The following NRXN1 variants were observed in gnomAD, a reference collection of about 807,000 sequenced individuals.
NRXN1 encodes neurexin 1.
NRXN1 carries 39 observed loss-of-function variants against 150.9 expected under a neutral mutation model. The ratio of observed to expected loss-of-function variants is 0.26; its 90% confidence interval spans 0.20 to 0.34. The LOEUF (loss-of-function observed/expected upper bound fraction) is 0.34. Ranked by LOEUF, NRXN1 falls within the 10% of genes least tolerant of loss-of-function variation. NRXN1 has a pLI of 1.00. For missense variants in NRXN1, 1,815 were observed against 1,949.9 expected (o/e 0.93, Z 1.30); for synonymous variants, 924 against 757.0 (o/e 1.22, Z -3.62).
At chr2:50,098,855 T>TGG (rs1558874822) in intron 18 of NRXN1, among the ~76,000 whole-genome samples, 24 of 30,880 alleles carry the variant, frequency 7.8e-4, no homozygotes, top group African/African-American at 2.8e-3. Flanking sequence ...TTTTTTTTTT[T>TGG]TTTTTTTTTT....
In NRXN1 at chr2:49,919,750, C is replaced by CTACT. The variant is rs1451258505; in HGVS notation, c.*2190_*2193dup. On this transcript the variant is annotated 3_prime_UTR_variant, in exon 23 of 23. Coordinates refer to ENST00000401669, the MANE Select transcript of NRXN1 (RefSeq NM_001330078.2). ...ATATTAAATTTTCATTTTATACCTTCTACTTTCTGGGTCATAAAAAGCCAC... is the reference window on the plus strand; with the variant it reads ...ATATTAAATTTTCATTTTATACCTTCTACTTACTTTCTGGGTCATAAAAAGCCAC... The CTACT allele has an allele frequency of 1.3e-5, 2 of 152,110 alleles. No homozygotes were observed. The highest frequency in any genetic ancestry group is 4.8e-5 in the African/African-American group (2 of 41,458). 9.4% of individuals were successfully genotyped at this position (152,110 alleles called of 1,614,324 possible). A position where few individuals can be genotyped will look rare whatever the true frequency, so the allele number is the denominator to read the frequency against.
intron 2 of NRXN1, among the ~76,000 whole-genome samples, chr2:50,939,997 T>C (rs1157130705): frequency 6.6e-6 from 1 of 152,200 alleles, no homozygotes; most frequent in Admixed American, 6.5e-5. Context: ...AATTTTTAAA[T>C]GACTTTCTTA....
At chr2:50,859,718 T>G (rs1675828341) in intron 5 of NRXN1, among the ~76,000 whole-genome samples, 1 of 151,840 alleles carries the variant, frequency 6.6e-6, no homozygotes, top group Middle Eastern at 3.2e-3. Context: ...CCCACAGTTC[T>G]CCATCTCAAG....
At chr2:50,578,129 G>A (rs1326468497) in intron 8 of NRXN1, among the ~76,000 whole-genome samples, 2 of 152,082 alleles carry the variant, frequency 1.3e-5, no homozygotes, top group Admixed American at 6.6e-5. Context: ...AGGACACAAC[G>A]GCCCTGAAAA....
At chr2:50,392,690 G>A (rs545070550) in intron 17 of NRXN1, among the ~76,000 whole-genome samples, 12 of 152,236 alleles carry the variant, frequency 7.9e-5, no homozygotes, top group Middle Eastern at 3.4e-3. Flanking sequence ...GTCATAGTTG[G>A]TGCTTGATAA....
intron 8 of NRXN1, among the ~76,000 whole-genome samples, chr2:50,605,637 A>T (rs943585410): frequency 6.6e-5 from 10 of 152,192 alleles, no homozygotes; most frequent in Non-Finnish European, 1.3e-4. Context: ...AAAAGAAAAA[A>T]ACAACAACTG....
intron 5 of NRXN1, among the ~76,000 whole-genome samples, chr2:50,645,170 A>G (rs552722004): frequency 8.4e-4 from 128 of 151,676 alleles, no homozygotes; most frequent in African/African-American, 2.8e-3. Context: ...ACAGAGTGCG[A>G]CTGGATGCAG....
chr2:50,738,701 C>T (rs1452405727), intron 5 of NRXN1, among the ~76,000 whole-genome samples: 1 of 152,012 alleles, frequency 6.6e-6, no homozygotes, highest in Non-Finnish European at 1.5e-5. Context: ...TTTCAATAAC[C>T]ACATATTAAA....
At chr2:50,747,446 T>G (rs1422834282) in intron 5 of NRXN1, among the ~76,000 whole-genome samples, 1 of 152,130 alleles carries the variant, frequency 6.6e-6, no homozygotes, top group Non-Finnish European at 1.5e-5. Flanking sequence ...AATTTTCTCT[T>G]GCTCTTCACA....
intron 17 of NRXN1, among the ~76,000 whole-genome samples, chr2:50,328,526 G>A (rs893173877): frequency 3.3e-5 from 5 of 152,076 alleles, no homozygotes; most frequent in Admixed American, 2.0e-4. Context: ...CACGAGGTCA[G>A]GAGTTCGAGA....
At chr2:50,871,887 C>T (rs1459487264) in intron 5 of NRXN1, among the ~76,000 whole-genome samples, 2 of 151,702 alleles carry the variant, frequency 1.3e-5, no homozygotes, top group East Asian at 1.9e-4. Context: ...ATTTTAAAGC[C>T]CTTGGTATAT....
chr2:50,952,059 C>T lies in NRXN1; in HGVS notation c.773-26104G>A, dbSNP rs527605792. On this transcript the variant is annotated intron_variant, in intron 2 of 22. Transcript: ENST00000401669. Reference sequence around the variant, plus strand: ...TCGGCTCACTGCAAGCTCCGCCTCCCGGGTTCATGCCATTCTCCTGCCTCA... The same window carrying T: ...TCGGCTCACTGCAAGCTCCGCCTCCTGGGTTCATGCCATTCTCCTGCCTCA... Among the ~76,000 whole-genome samples the T allele has an allele frequency of 5.9e-3, 873 of 147,464 alleles. 2 individuals are homozygous for T. The highest frequency in any genetic ancestry group is 9.0e-3 in the Non-Finnish European group (596 of 66,474).
intron 14 of NRXN1, among the ~76,000 whole-genome samples, chr2:50,496,821 A>G (rs1233672829): frequency 6.6e-6 from 1 of 152,194 alleles, no homozygotes; most frequent in Non-Finnish European, 1.5e-5. Flanking sequence ...TAAATGCTGA[A>G]ATCAATTAAA....
At chr2:50,062,217 A>G (rs2152647211) in intron 19 of NRXN1, among the ~76,000 whole-genome samples, 1 of 152,110 alleles carries the variant, frequency 6.6e-6, no homozygotes, top group East Asian at 1.9e-4. Context: ...ACTAATTCCA[A>G]ATATGATAGT....
intron 8 of NRXN1, among the ~76,000 whole-genome samples, chr2:50,613,969 G>T (rs1678612336): frequency 6.6e-6 from 1 of 152,108 alleles, no homozygotes; most frequent in South Asian, 2.1e-4. Flanking sequence ...ATTATCCATA[G>T]TTCTATAATG....
chr2:50,045,539 C>T (rs1170052251), intron 21 of NRXN1, among the ~76,000 whole-genome samples: 1 of 151,990 alleles, frequency 6.6e-6, no homozygotes, highest in African/African-American at 2.4e-5. Context: ...CCTCCTTCCC[C>T]TCACAGACAA....
chr2:49,922,124 G>C lies in NRXN1; in HGVS notation c.4344C>G (p.Leu1448=), dbSNP rs111725706. The C allele has an allele frequency of 6.2e-7, 1 of 1,614,142 alleles. No individual in the cohort carries two copies. The highest frequency in any genetic ancestry group is 1.1e-5 in the South Asian group (1 of 91,080). Residue 1448 remains leucine (L), a synonymous_variant, in exon 23 of 23, where the codon CTC becomes CTG. Transcript: ENST00000401669. ...TTCTGTACTTGTACATGGCATAGAG[G>C]AGGATAAGGATGCACAGGGCGGCAG... ...VAAAALCILI[L]LYAMYKYRNR...
chr2:50,418,307 C>A (rs2083705834), intron 17 of NRXN1, among the ~76,000 whole-genome samples: 1 of 151,984 alleles, frequency 6.6e-6, no homozygotes, highest in Non-Finnish European at 1.5e-5. Flanking sequence ...ACTATCCCAA[C>A]AAGTTTCACC....
chr2:50,900,108 G>C (rs1011933520), intron 5 of NRXN1, among the ~76,000 whole-genome samples: 24 of 152,244 alleles, frequency 1.6e-4, no homozygotes, highest in African/African-American at 5.3e-4. Context: ...AGAGAAGGCT[G>C]AGCAATACAA....
Sources: allele counts gnomAD v4.1 joint callset (sites outside exome capture counted in the v4.1 genomes callset), GRCh38; gene constraint gnomAD v4.1.1; transcripts MANE v1.5; gene names NCBI Gene and HGNC (gene_info 2026-07-23, HGNC 2026-07-21).